The following FAT3 variants were observed in gnomAD, a reference collection of about 807,000 sequenced individuals.
The protein encoded by FAT3 is protocadherin Fat 3.
A neutral mutation model predicts 310.2 loss-of-function variants in FAT3; 95 were observed. That is an observed-to-expected ratio of 0.31 (90% confidence interval 0.26 to 0.36). FAT3 has a LOEUF of 0.36. Ranked by LOEUF, FAT3 falls within the 10% of genes least tolerant of loss-of-function variation. FAT3 has a pLI of 1.00. For missense variants in FAT3, 5,408 were observed against 5,715.6 expected, an observed-to-expected ratio of 0.95 and a Z score of 1.74; for synonymous variants, 2,314 against 2,192.9, an observed-to-expected ratio of 1.06 and a Z score of -1.54.
intron 2 of FAT3, among the ~76,000 whole-genome samples, chr11:92,462,591 C>T (rs1292789975): frequency 6.6e-6 from 1 of 151,898 alleles, no homozygotes; most frequent in Non-Finnish European, 1.5e-5. Flanking sequence ...TGGAAGACCA[C>T]CTAGAGAACT....
At chr11:92,308,611 C>T (rs1947202540) in intron 1 of FAT3, among the ~76,000 whole-genome samples, 1 of 152,114 alleles carries the variant, frequency 6.6e-6, no homozygotes, top group Non-Finnish European at 1.5e-5. Context: ...TATGAAGAAC[C>T]TAGCAATCAT....
intron 3 of FAT3, among the ~76,000 whole-genome samples, chr11:92,617,292 AT>A (rs1168324759): frequency 6.6e-6 from 1 of 152,156 alleles, no homozygotes; most frequent in South Asian, 2.1e-4. Flanking sequence ...TCATGCATTC[AT>A]CACGTAGTTC....
chr11:92,744,840 A>G (rs1945611915), intron 4 of FAT3, among the ~76,000 whole-genome samples: 1 of 152,244 alleles, frequency 6.6e-6, no homozygotes, highest in Non-Finnish European at 1.5e-5. Context: ...AGTCTATTTT[A>G]TACATACACA....
Position 92,337,536 on chromosome 11 carries a change from A to G in FAT3, c.-17-14560A>G, listed in dbSNP as rs1381257263. Among the ~76,000 whole-genome samples the G allele has an allele frequency of 3.3e-5, 5 of 152,246 alleles. No homozygotes were observed. In the East Asian group the frequency reaches 9.7e-4, roughly 29 times the overall value. On this transcript the variant is annotated intron_variant, in intron 1 of 27. Transcript: ENST00000525166. ...AACCTCTGCCTCCTGGGTTCAAGCC[A>G]TCCTCCTGCCTCAGCCTCCTGAGTA...
At chr11:92,884,393 G>A (rs1243260744) in intron 24 of FAT3, among the ~76,000 whole-genome samples, 1 of 152,206 alleles carries the variant, frequency 6.6e-6, no homozygotes, top group Non-Finnish European at 1.5e-5. Context: ...GAACATCTCT[G>A]TGAGAGATTG....
intron 2 of FAT3, among the ~76,000 whole-genome samples, chr11:92,381,834 G>T (rs1005318383): frequency 2.6e-5 from 4 of 152,058 alleles, no homozygotes; most frequent in Admixed American, 2.6e-4. Flanking sequence ...TTTTTGAAAT[G>T]TTGATTGAAT....
Position 92,799,827 on chromosome 11 carries a change from AC to A in FAT3, c.6815del (p.Thr2272MetfsTer5), listed in dbSNP as rs1300202680. 1 of 1,613,394 alleles carries A rather than the reference AC, an allele frequency of 6.2e-7. No individual in the cohort carries two copies. The highest frequency in any genetic ancestry group is 8.5e-7 in the Non-Finnish European group (1 of 1,179,638). On this transcript the variant is annotated frameshift_variant, in exon 10 of 28. Transcript: ENST00000525166. LOFTEE classifies it high-confidence loss of function. ...CCTTACTGGTGCTAGGGCTGAAGTC[AC>A]TGTTGACTTGCTAGTTAATGATGTA... ...DALTGARAEV[T>X]VDLLVNDVND...
At chr11:92,321,159 G>A (rs999112297) in intron 1 of FAT3, among the ~76,000 whole-genome samples, 5 of 152,008 alleles carry the variant, frequency 3.3e-5, no homozygotes, top group Non-Finnish European at 5.9e-5. Context: ...ATTCTTGGCC[G>A]GGCACGGTGG....
chr11:92,816,291 G>C (rs1005139080), intron 13 of FAT3, among the ~76,000 whole-genome samples: 1 of 152,224 alleles, frequency 6.6e-6, no homozygotes, highest in African/African-American at 2.4e-5. Context: ...GGACAGGTCA[G>C]TGCGAGTCTA....
At chr11:92,620,554 T>A (rs1235885143) in intron 3 of FAT3, among the ~76,000 whole-genome samples, 2 of 152,230 alleles carry the variant, frequency 1.3e-5, no homozygotes. Flanking sequence ...TGATTTTTTT[T>A]AACCAAATTT....
chr11:92,397,209 T>TA (rs1187430105), intron 2 of FAT3, among the ~76,000 whole-genome samples: 107 of 151,926 alleles, frequency 7.0e-4, no homozygotes, highest in African/African-American at 2.5e-3. Flanking sequence ...TCTTTATATA[T>TA]ATAAAAAAAA....
chr11:92,858,549 T>TA (rs1295844582), intron 20 of FAT3, among the ~76,000 whole-genome samples: 5 of 151,934 alleles, frequency 3.3e-5, no homozygotes, highest in Admixed American at 6.6e-5. Flanking sequence ...GAAGGCAATT[T>TA]AAAAAAAAGA....
intron 3 of FAT3, among the ~76,000 whole-genome samples, chr11:92,594,150 A>G (rs963914613): frequency 1.3e-5 from 2 of 152,186 alleles, no homozygotes; most frequent in Non-Finnish European, 2.9e-5. Context: ...GCTGCATAAG[A>G]GAATAATTTG....
intron 3 of FAT3, among the ~76,000 whole-genome samples, chr11:92,584,688 T>G (rs956295330): frequency 6.6e-6 from 1 of 151,704 alleles, no homozygotes; most frequent in Non-Finnish European, 1.5e-5. Flanking sequence ...AGAAAAGGAG[T>G]GGGGAATGCA....
intron 23 of FAT3, among the ~76,000 whole-genome samples, chr11:92,881,597 G>A (rs1035590385): frequency 7.9e-5 from 12 of 152,150 alleles, no homozygotes; most frequent in African/African-American, 2.2e-4. Context: ...ACTAATTTCC[G>A]GCTGTCCTCA....
At chr11:92,616,522 A>T (rs762140921) in intron 3 of FAT3, among the ~76,000 whole-genome samples, 1 of 152,074 alleles carries the variant, frequency 6.6e-6, no homozygotes, top group South Asian at 2.1e-4. Flanking sequence ...CATCATTATG[A>T]TGTTAGCTGG....
chr11:92,331,602 C>T (rs551507578), intron 1 of FAT3, among the ~76,000 whole-genome samples: 159 of 152,266 alleles, frequency 1.0e-3, no homozygotes, highest in African/African-American at 3.8e-3. Flanking sequence ...GACTTCTTTT[C>T]CTTTATCATG....
rs1169131527 is a variant in FAT3, at chr11:92,503,444, A to G, written c.3293-21190A>G. ...GTAACAGGTGGATTAAATGCATTAT[A>G]TTCTTTAAGTCTGAAGCAACTTTAT... On this transcript the variant is annotated intron_variant, in intron 2 of 27. Coordinates refer to ENST00000525166, the MANE Select transcript of FAT3 (RefSeq NM_001367949.2). Among the ~76,000 whole-genome samples, 5 of 152,204 alleles carry G rather than the reference A, an allele frequency of 3.3e-5. No individual in the cohort carries two copies. The South Asian group carries it at 1.0e-3, about 32-fold the overall frequency.
At chr11:92,559,680 T>C (rs1305479303) in intron 3 of FAT3, 2 of 156,792 alleles carry the variant, frequency 1.3e-5, no homozygotes, top group African/African-American at 2.4e-5. Context: ...CCAGCCCTTA[T>C]GCTGGACATT....
Sources: gnomAD v4.1 joint callset for allele counts (sites outside exome capture counted in the v4.1 genomes callset) on GRCh38, gnomAD v4.1.1 for gene constraint, MANE v1.5 for transcripts, NCBI Gene and HGNC (gene_info 2026-07-23, HGNC 2026-07-21) for gene names.